CCDC92: variants seen among roughly 807,000 people sequenced by gnomAD.
CCDC92 encodes the protein coiled-coil domain containing 92.
In CCDC92, 12 loss-of-function variants were observed where a neutral mutation model predicts 24.9. The ratio of observed to expected loss-of-function variants is 0.48; its 90% CI spans 0.31 to 0.78. The LOEUF (loss-of-function observed/expected upper bound fraction) is 0.78, where lower values mean the gene tolerates loss of function less well. Among genes scored for constraint, CCDC92 ranks in the 30% least tolerant of loss-of-function variants. CCDC92 has a pLI of 0.05. For synonymous variants in CCDC92, 193 were observed against 196.3 expected (o/e 0.98, Z 0.14); for missense variants, 399 against 439.4 (o/e 0.91, Z 0.82).
chr12:123,942,499 G>C (rs1054244920), intron 4 of CCDC92, among the ~76,000 whole-genome samples: 1 of 152,188 alleles, frequency 6.6e-6, no homozygotes, highest in African/African-American at 2.4e-5. Context: ...ACATATAATA[G>C]GCATTCCAAA....
chr12:123,969,774 G>GC (rs569140694), intron 1 of CCDC92, among the ~76,000 whole-genome samples: 31 of 151,950 alleles, frequency 2.0e-4, no homozygotes, highest in Non-Finnish European at 3.7e-4. Flanking sequence ...CATGTTTTCA[G>GC]CCAAGTAAAA....
chr12:123,945,889 G>C (rs1218994094), intron 1 of CCDC92: 1 of 37,608 alleles, frequency 2.7e-5, no homozygotes, highest in Admixed American at 3.3e-4. Flanking sequence ...AGTGGGTCTT[G>C]GATGACAGGA....
chr12:123,937,943 G>A lies in CCDC92; in HGVS notation c.224-113C>T, dbSNP rs188470355. On this transcript the variant is annotated intron_variant, in intron 4 of 4. Coordinates refer to ENST00000238156, the MANE Select transcript of CCDC92 (RefSeq NM_025140.3). This position sits in a 1 kb window ranked among gnomAD's most constrained non-coding sequence, Gnocchi z 8.4. ...TGGGGGCCCTGTCTAGGCTGTGGGG[G>A]CCATGCAGAAGGCAGGGCTGTGGGG... The A allele has an allele frequency of 6.3e-5, 70 of 1,108,406 alleles. No homozygotes were observed. The East Asian group carries it at 1.6e-3, about 25-fold the overall frequency. The allele number at this position is 1,108,406 out of a possible 1,614,324, so 68.7% of individuals were successfully genotyped here. A position where few individuals can be genotyped will look rare whatever the true frequency, so the allele number is the denominator to read the frequency against.
In CCDC92 at chr12:123,937,960, G is replaced by A. The variant is rs1158648561; in HGVS notation, c.224-130C>T. 2 of 907,368 alleles carry A rather than the reference G, an allele frequency of 2.2e-6. No individual in the cohort carries two copies. The highest frequency in any genetic ancestry group is 3.3e-5 in the African/African-American group (2 of 59,994). The allele number at this position is 907,368 out of a possible 1,614,324, so 56.2% of individuals were successfully genotyped here. On this transcript the variant is annotated intron_variant, in intron 4 of 4. Transcript: ENST00000238156. The surrounding 1 kb of genome is among the most constrained non-coding windows in gnomAD (Gnocchi z 8.4). ...CTGTGGGGGCCATGCAGAAGGCAGG[G>A]CTGTGGGGGCTCTGGAAAGACCCCT...
intron 1 of CCDC92, chr12:123,966,597 A>AG (rs1229683687): frequency 4.6e-5 from 7 of 152,206 alleles, no homozygotes; most frequent in African/African-American, 1.7e-4. Flanking sequence ...TAACCTGCCG[A>AG]GGATTCCCAG....
At chr12:123,959,187 C>T (rs774617801) in intron 1 of CCDC92, among the ~76,000 whole-genome samples, 8 of 152,192 alleles carry the variant, frequency 5.3e-5, no homozygotes, top group Non-Finnish European at 8.8e-5. Flanking sequence ...AGTATCTACA[C>T]CTCATTAGGA....
chr12:123,950,145 G>A (rs1197051069), intron 1 of CCDC92, among the ~76,000 whole-genome samples: 3 of 152,256 alleles, frequency 2.0e-5, no homozygotes, highest in Non-Finnish European at 4.4e-5. Context: ...CGCAGGTGAT[G>A]TGGTGACAAT....
At chr12:123,961,665 T>C (rs1594501934) in intron 1 of CCDC92, among the ~76,000 whole-genome samples, 2 of 152,168 alleles carry the variant, frequency 1.3e-5, no homozygotes, top group South Asian at 4.1e-4. Context: ...CGATGCAGGG[T>C]GAAGCAGACA....
intron 1 of CCDC92, among the ~76,000 whole-genome samples, chr12:123,960,149 G>A (rs1487486234): frequency 6.6e-6 from 1 of 152,180 alleles, no homozygotes; most frequent in Non-Finnish European, 1.5e-5. Context: ...CTTGTTCCCT[G>A]CTATTTCCCA....
At chr12:123,939,629 GTGTC>G (rs960975386) in intron 4 of CCDC92, among the ~76,000 whole-genome samples, 3 of 152,180 alleles carry the variant, frequency 2.0e-5, no homozygotes, top group African/African-American at 7.2e-5. Flanking sequence ...TAAAAACCAT[GTGTC>G]TGTGTGTGTA....
Position 123,936,748 on chromosome 12 carries a change from G to C in CCDC92, c.*310C>G. ...ATTAGGTGTGTGACTGTGTGGCATCGTGAACATCAGTAGTGACGCAGCCGT... is the reference window on the plus strand; with the variant it reads ...ATTAGGTGTGTGACTGTGTGGCATCCTGAACATCAGTAGTGACGCAGCCGT... On this transcript the variant is annotated 3_prime_UTR_variant, in exon 5 of 5. Transcript: ENST00000238156. The C allele has an allele frequency of 2.0e-6, 1 of 497,642 alleles. No individual in the cohort carries two copies. Among genetic ancestry groups the C allele is most frequent in the East Asian group, 3.6e-5 (1 of 27,716 alleles). The allele number at this position is 497,642 out of a possible 1,614,324, so 30.8% of individuals were successfully genotyped here. A position where few individuals can be genotyped will look rare whatever the true frequency, so the allele number is the denominator to read the frequency against.
intron 1 of CCDC92, chr12:123,970,264 C>A (rs1956495441): frequency 6.6e-6 from 1 of 152,214 alleles, no homozygotes; most frequent in African/African-American, 2.4e-5. Flanking sequence ...CCCTCCTATA[C>A]CTCTGTGATA....
chr12:123,970,690 G>A (rs1300444979), intron 1 of CCDC92, among the ~76,000 whole-genome samples: 1 of 152,238 alleles, frequency 6.6e-6, no homozygotes, highest in Non-Finnish European at 1.5e-5. Flanking sequence ...AGTAAATTCA[G>A]TAGATATAAT....
In CCDC92 at chr12:123,937,441, G is replaced by C; in HGVS notation, c.613C>G (p.Arg205Gly). ...GGGGCTGAGAGGCTCTTTTTCATGC[G>C]GCGGCGAGGCGTTTCGGGTAGCTTG... ...KDKLPETPRR[R>G]MKKSLSAPLH... Residue 205 changes from arginine (R) to glycine (G), a missense_variant, in exon 5 of 5, where the codon CGC (arginine) becomes GGC (glycine). By Grantham distance (125) the Arg-to-Gly change is moderately radical. Transcript: ENST00000238156. The surrounding 1 kb of genome is among the most constrained non-coding windows in gnomAD (Gnocchi z 8.4). The C allele has an allele frequency of 6.2e-7, 1 of 1,613,648 alleles. No individual in the cohort carries two copies. The highest frequency in any genetic ancestry group is 8.5e-7 in the Non-Finnish European group (1 of 1,180,002).
chr12:123,955,438 A>T (rs759011690), intron 1 of CCDC92, among the ~76,000 whole-genome samples: 1 of 152,262 alleles, frequency 6.6e-6, no homozygotes, highest in Non-Finnish European at 1.5e-5. Flanking sequence ...ACTTAATCTT[A>T]GCGCTTGATG....
chr12:123,946,025 C>CCCCGTCATCCATTTCCAGTCCATGA, intron 1 of CCDC92: 1 of 153,496 alleles, frequency 6.5e-6, no homozygotes. Flanking sequence ...TGCTGGCATC[C>CCCCGTCATCCATTTCCAGTCCATGA]TGCTTTGAAA....
chr12:123,968,571 T>G (rs1180958227), intron 1 of CCDC92: 1 of 152,244 alleles, frequency 6.6e-6, no homozygotes, highest in Non-Finnish European at 1.5e-5. Context: ...TTTCCCTTCA[T>G]GCATACAGCA....
chr12:123,936,471 T>C lies in CCDC92; in HGVS notation c.*587A>G, dbSNP rs540110848. ...ATTTTGGATAAAACTAACAAAAAAA[T>C]ATGAACACACATTCAGGTTGTGGTG... On this transcript the variant is annotated 3_prime_UTR_variant, in exon 5 of 5. Coordinates refer to ENST00000238156, the MANE Select transcript of CCDC92 (RefSeq NM_025140.3). 85 of 153,512 alleles carry C rather than the reference T, an allele frequency of 5.5e-4. 1 individual carries two copies. In the South Asian group the frequency reaches 7.2e-3, roughly 13 times the overall value. The allele number at this position is 153,512 out of a possible 1,614,324, so 9.5% of individuals were successfully genotyped here. A position where few individuals can be genotyped will look rare whatever the true frequency, so the allele number is the denominator to read the frequency against.
chr12:123,947,571 ACT>A (rs1187015796), intron 1 of CCDC92, among the ~76,000 whole-genome samples: 1 of 152,028 alleles, frequency 6.6e-6, no homozygotes, highest in Non-Finnish European at 1.5e-5. Flanking sequence ...ACCAATCGAC[ACT>A]CTGTATCTAG....
Sources: allele counts gnomAD v4.1 joint callset (sites outside exome capture counted in the v4.1 genomes callset), GRCh38; gene constraint gnomAD v4.1.1; non-coding constraint Gnocchi (gnomAD v3.1); transcripts MANE v1.5; gene names NCBI Gene and HGNC (gene_info 2026-07-23, HGNC 2026-07-21).